ITPKB: variants seen among roughly 807,000 people sequenced by gnomAD.
ITPKB encodes the protein inositol-trisphosphate 3-kinase B, also known as IP3 3-kinase B.
ITPKB carries 13 observed loss-of-function variants against 69.4 expected under a neutral mutation model. The observed-to-expected ratio is 0.19, with a 90% CI of 0.12 to 0.30. The LOEUF (loss-of-function observed/expected upper bound fraction) is 0.30, where lower values mean the gene tolerates loss of function less well. Ranked by LOEUF, ITPKB falls within the 10% of genes least tolerant of loss-of-function variation. The pLI is 1.00. For synonymous variants in ITPKB, 584 were observed against 513.7 expected (o/e 1.14, Z -1.85); for missense variants, 1,240 against 1,250.5 (o/e 0.99, Z 0.13).
intron 2 of ITPKB, among the ~76,000 whole-genome samples, chr1:226,682,581 G>A (rs1241798496): frequency 1.3e-5 from 2 of 152,192 alleles, no homozygotes; most frequent in East Asian, 1.9e-4. Context: ...AGCTGCACTA[G>A]GGCATTGCCT....
chr1:226,640,610 A>G (rs1668941836), intron 5 of ITPKB, among the ~76,000 whole-genome samples: 1 of 152,162 alleles, frequency 6.6e-6, no homozygotes, highest in Admixed American at 6.5e-5. Flanking sequence ...TGGACAATAG[A>G]CAGAGACCAG....
rs1668749637 is a variant in ITPKB at position 226,632,599 on chromosome 1, A to G, written c.*2072T>C. The G allele has an allele frequency of 6.6e-6, 1 of 152,652 alleles. No homozygotes were observed. Among genetic ancestry groups the G allele is most frequent in the Non-Finnish European group, 1.5e-5 (1 of 68,038 alleles). The allele number at this position is 152,652 out of a possible 1,614,324, so 9.5% of individuals were successfully genotyped here. A position where few individuals can be genotyped will look rare whatever the true frequency, so the allele number is the denominator to read the frequency against. On this transcript the variant is annotated 3_prime_UTR_variant, in exon 8 of 8. Coordinates refer to ENST00000429204, the MANE Select transcript of ITPKB (RefSeq NM_002221.4). ...ACTTCATACTATGTTCACATATTTAATGTAACCCACAGCCAAGTATTGCCA... is the reference window on the plus strand; with the variant it reads ...ACTTCATACTATGTTCACATATTTAGTGTAACCCACAGCCAAGTATTGCCA...
intron 2 of ITPKB, among the ~76,000 whole-genome samples, chr1:226,679,941 G>A (rs896032232): frequency 5.8e-5 from 8 of 137,970 alleles, no homozygotes; most frequent in African/African-American, 3.2e-5. Flanking sequence ...CAGGCCAGGC[G>A]GAGAGGGCAG....
At chr1:226,701,327 G>A (rs972959889) in intron 2 of ITPKB, among the ~76,000 whole-genome samples, 5 of 152,092 alleles carry the variant, frequency 3.3e-5, no homozygotes, top group African/African-American at 9.7e-5. Flanking sequence ...CACTTTGGCC[G>A]GGCGCGGTGG....
rs1657765517 is a variant in ITPKB, at chr1:226,736,419, C to T, written c.1040G>A (p.Gly347Glu). 3.1e-6 allele frequency: 5 copies of T among 1,612,960 alleles called. No individual in the cohort carries two copies. The highest frequency in any genetic ancestry group is 4.2e-6 in the Non-Finnish European group (5 of 1,180,018). Residue 347 changes from glycine to glutamate, a missense_variant, in exon 2 of 8, where the codon GGG becomes GAG. Coordinates refer to ENST00000429204, the MANE Select transcript of ITPKB (RefSeq NM_002221.4). ...QPPEALVERQ[G>E]QFLGSETSPA... ...GCTTGTCTCACTGCCCAGAAACTGC[C>T]CCTGCCTCTCCACCAGGGCCTCTGG...
chr1:226,689,521 G>A (rs920187864), intron 2 of ITPKB, among the ~76,000 whole-genome samples: 3 of 151,944 alleles, frequency 2.0e-5, no homozygotes, highest in Admixed American at 1.3e-4. Context: ...GGTGGAGAAA[G>A]GAGGAGAAGG....
intron 2 of ITPKB, among the ~76,000 whole-genome samples, chr1:226,728,939 C>T (rs1336168630): frequency 6.6e-6 from 1 of 152,192 alleles, no homozygotes; most frequent in South Asian, 2.1e-4. Flanking sequence ...CTTCACCTTC[C>T]AGATGGTTCT....
chr1:226,733,895 C>T (rs1261441310), intron 2 of ITPKB, among the ~76,000 whole-genome samples: 1 of 152,164 alleles, frequency 6.6e-6, no homozygotes, highest in Non-Finnish European at 1.5e-5. Context: ...ACTGTTTTGA[C>T]AACCAGCCAA....
Position 226,642,687 on chromosome 1 carries a change from G to A in ITPKB, c.2247-562C>T, listed in dbSNP as rs1310537877. 1.3e-5 allele frequency among the ~76,000 whole-genome samples: 2 copies of A among 152,058 alleles called. No individual in the cohort carries two copies. Among genetic ancestry groups the A allele is most frequent in the Non-Finnish European group, 2.9e-5 (2 of 68,010 alleles). On this transcript the variant is annotated intron_variant, in intron 4 of 7. Transcript: ENST00000429204. This position sits in a 1 kb window ranked among gnomAD's most constrained non-coding sequence, Gnocchi z 6.4. ...TGCTGCTACGGTGGAGCTAAGAGAG[G>A]GGACTGGGGGCAGGGTCTACTCAGG... is the stretch of plus-strand genomic sequence containing the variant.
chr1:226,736,824 G>A lies in ITPKB; in HGVS notation c.635C>T (p.Thr212Ile). 6.2e-7 allele frequency: 1 copy of A among 1,612,840 alleles called. No individual in the cohort carries two copies. Among genetic ancestry groups the A allele is most frequent in the Non-Finnish European group, 8.5e-7 (1 of 1,180,038 alleles). Residue 212 changes from threonine (T) to isoleucine (I), a missense_variant, in exon 2 of 8, where the codon ACT becomes ATT. Thr to Ile is a moderately conservative substitution (Grantham distance 89). Around this residue, in one of 2 missense-constraint regions of ITPKB, gnomAD observed 992 missense variants for 853.8 expected, o/e 1.16. Coordinates refer to ENST00000429204, the MANE Select transcript of ITPKB (RefSeq NM_002221.4). ...TKSWGEQCPE[T>I]SGTDSGRKGG... ...TTTCCTCCCGGAGTCGGTTCCTGAA[G>A]TCTCTGGACATTGCTCCCCCCAGGA...
At chr1:226,690,437 T>C (rs1656321228) in intron 2 of ITPKB, among the ~76,000 whole-genome samples, 1 of 152,122 alleles carries the variant, frequency 6.6e-6, no homozygotes, top group Non-Finnish European at 1.5e-5. Context: ...GATCTGGGGC[T>C]GTCAGGCTCC....
rs1206870174 is a variant in ITPKB at position 226,641,155 on chromosome 1, CATCCAGACAGTCACCA to C, written c.2451+750_2451+765del. Among the ~76,000 whole-genome samples, 1 of 152,218 alleles carries C rather than the reference CATCCAGACAGTCACCA, an allele frequency of 6.6e-6. No individual in the cohort carries two copies. The highest frequency in any genetic ancestry group is 1.5e-5 in the Non-Finnish European group (1 of 68,042). ...CACAGGGGCCCAGGGACAGGGAGATCATCCAGACAGTCACCAATCCAGACAGTGCCAGTTCCCCAAT... is the reference window on the plus strand; with the variant it reads ...CACAGGGGCCCAGGGACAGGGAGATCATCCAGACAGTGCCAGTTCCCCAAT... On this transcript the variant is annotated intron_variant, in intron 5 of 7. Coordinates refer to ENST00000429204, the MANE Select transcript of ITPKB (RefSeq NM_002221.4). This position sits in a 1 kb window ranked among gnomAD's most constrained non-coding sequence, Gnocchi z 4.6.
intron 2 of ITPKB, among the ~76,000 whole-genome samples, chr1:226,696,498 G>A (rs547809423): frequency 2.2e-4 from 34 of 152,262 alleles, no homozygotes; most frequent in African/African-American, 7.0e-4. Flanking sequence ...ACTTAGAGAC[G>A]AAATGGCACA....
rs757286730 is a variant in ITPKB at position 226,642,852 on chromosome 1, G to T, written c.2247-727C>A. 9.2e-5 allele frequency among the ~76,000 whole-genome samples: 14 copies of T among 152,226 alleles called. No individual in the cohort carries two copies. The highest frequency in any genetic ancestry group is 3.4e-4 in the African/African-American group (14 of 41,462). On this transcript the variant is annotated intron_variant, in intron 4 of 7. Coordinates refer to ENST00000429204, the MANE Select transcript of ITPKB (RefSeq NM_002221.4). The surrounding 1 kb of genome is among the most constrained non-coding windows in gnomAD (Gnocchi z 6.4). ...CTCAGGCAGCCTGAAGGCTGAGCCT[G>T]CCCATAAGTGTCTCTGGCTCTTTCC...
At chr1:226,724,597 C>T (rs1038636404) in intron 2 of ITPKB, among the ~76,000 whole-genome samples, 2 of 152,168 alleles carry the variant, frequency 1.3e-5, no homozygotes, top group Non-Finnish European at 2.9e-5. Flanking sequence ...ACAGATGATG[C>T]AACTGAGGAG....
At chr1:226,675,273 G>A (rs1669709167) in intron 2 of ITPKB, among the ~76,000 whole-genome samples, 2 of 152,192 alleles carry the variant, frequency 1.3e-5, no homozygotes, top group African/African-American at 4.8e-5. Context: ...GCTTGAAACA[G>A]GAAAATAGAA....
chr1:226,659,910 C>A (rs764766481), intron 2 of ITPKB, among the ~76,000 whole-genome samples: 38 of 152,188 alleles, frequency 2.5e-4, no homozygotes, highest in Non-Finnish European at 4.7e-4. Context: ...ATAAGAGGAC[C>A]CTGCGGACCC....
At chr1:226,688,325 A>T (rs1282235999) in intron 2 of ITPKB, among the ~76,000 whole-genome samples, 1 of 152,086 alleles carries the variant, frequency 6.6e-6, no homozygotes, top group African/African-American at 2.4e-5. Context: ...TCCCTTGGGG[A>T]GCTGTTTTGC....
At chr1:226,712,304 G>A (rs759122759) in intron 2 of ITPKB, among the ~76,000 whole-genome samples, 1 of 152,164 alleles carries the variant, frequency 6.6e-6, no homozygotes, top group Non-Finnish European at 1.5e-5. Flanking sequence ...GCCCTCGTGA[G>A]GTCCATAGCC....
Sources: allele counts gnomAD v4.1 joint callset (sites outside exome capture counted in the v4.1 genomes callset), GRCh38; gene constraint gnomAD v4.1.1; regional missense constraint gnomAD v4.1.1; non-coding constraint Gnocchi (gnomAD v3.1); transcripts MANE v1.5; gene names NCBI Gene and HGNC (gene_info 2026-07-23, HGNC 2026-07-21).